The following ASTN2 variants were observed in gnomAD, a reference collection of about 807,000 sequenced individuals.
ASTN2 encodes astrotactin-2.
Under a neutral mutation model 139.8 loss-of-function variants are expected in ASTN2, and 54 were observed. That is an observed-to-expected ratio of 0.39 (90% CI 0.31 to 0.48). The LOEUF is 0.48. Among genes scored for constraint, ASTN2 ranks in the 20% least tolerant of loss-of-function variants. The probability of loss-of-function intolerance (pLI) is 0.95; values close to 1 mark genes in which losing one functional copy is unlikely to be tolerated. For synonymous variants in ASTN2, 756 were observed against 719.5 expected, an observed-to-expected ratio of 1.05 and a Z score of -0.81; for missense variants, 1,565 against 1,725.1, an observed-to-expected ratio of 0.91 and a Z score of 1.64.
At chr9:116,582,886 G>A (rs1042801511) in intron 19 of ASTN2, 1 of 152,208 alleles carries the variant, frequency 6.6e-6, no homozygotes, top group African/African-American at 2.4e-5. Context: ...ATCCCTCTGA[G>A]ATCTGGTCCC....
chr9:116,537,195 T>C (rs1587961113), intron 19 of ASTN2, among the ~76,000 whole-genome samples: 1 of 152,116 alleles, frequency 6.6e-6, no homozygotes, highest in Admixed American at 6.6e-5. Flanking sequence ...GTTTGCTCAG[T>C]TGGAAATGCA....
intron 19 of ASTN2, among the ~76,000 whole-genome samples, chr9:116,518,808 A>T (rs888200791): frequency 1.3e-5 from 2 of 152,088 alleles, no homozygotes; most frequent in Non-Finnish European, 2.9e-5. Flanking sequence ...AAAGGGGTGG[A>T]AAAAGATATT....
rs139956587 is a variant in ASTN2, at chr9:116,704,501, G to A, written c.2806+21270C>T. Among the ~76,000 whole-genome samples the A allele has an allele frequency of 3.3e-5, 5 of 152,296 alleles. No individual in the cohort carries two copies. The East Asian group carries it at 9.6e-4, about 29-fold the overall frequency. On this transcript the variant is annotated intron_variant, in intron 16 of 22. Coordinates refer to ENST00000313400, the MANE Select transcript of ASTN2 (RefSeq NM_001365068.1). ...TTTATGTTTTAAAGGGCTGTTGTGAGAATTAAAATATATAAATGGGATAGT... is the reference window on the plus strand; with the variant it reads ...TTTATGTTTTAAAGGGCTGTTGTGAAAATTAAAATATATAAATGGGATAGT...
chr9:117,356,684 G>C (rs1020261128), intron 1 of ASTN2, among the ~76,000 whole-genome samples: 1 of 152,130 alleles, frequency 6.6e-6, no homozygotes, highest in Non-Finnish European at 1.5e-5. Flanking sequence ...AAATGGTTAG[G>C]AAAGGGGAAT....
At chr9:116,895,703 T>C (rs900193044) in intron 10 of ASTN2, among the ~76,000 whole-genome samples, 3 of 152,170 alleles carry the variant, frequency 2.0e-5, no homozygotes, top group African/African-American at 7.2e-5. Context: ...TAAGATAAAT[T>C]GACCAGAAGG....
chr9:116,996,769 C>CT (rs1266882506), intron 7 of ASTN2, among the ~76,000 whole-genome samples: 4 of 151,980 alleles, frequency 2.6e-5, no homozygotes, highest in African/African-American at 9.7e-5. Context: ...TCATTATTAT[C>CT]TTTTTTTCCA....
At chr9:116,436,823 T>C (rs1847665144) in intron 22 of ASTN2, among the ~76,000 whole-genome samples, 1 of 151,784 alleles carries the variant, frequency 6.6e-6, no homozygotes, top group Non-Finnish European at 1.5e-5. Context: ...TGTCCAACAA[T>C]GATAGACTGG....
intron 3 of ASTN2, among the ~76,000 whole-genome samples, chr9:117,147,158 G>A (rs1830216601): frequency 6.6e-6 from 1 of 152,020 alleles, no homozygotes; most frequent in Admixed American, 6.5e-5. Flanking sequence ...TTCTACCCTG[G>A]AGAAGAGGCA....
chr9:117,072,231 T>G (rs191261162), intron 5 of ASTN2, among the ~76,000 whole-genome samples: 179 of 152,014 alleles, frequency 1.2e-3, no homozygotes, highest in African/African-American at 4.1e-3. Context: ...GAATGAAGCC[T>G]CTTTGGAATA....
At chr9:116,782,041 C>T (rs983594305) in intron 13 of ASTN2, among the ~76,000 whole-genome samples, 2 of 152,102 alleles carry the variant, frequency 1.3e-5, no homozygotes, top group African/African-American at 4.8e-5. Flanking sequence ...ATGCTGCCTC[C>T]GACAGTGAGA....
rs112226652 is a variant in ASTN2 at position 116,771,272 on chromosome 9, C to T, written c.2396+34360G>A. The stretch of plus-strand genomic sequence containing the variant: ...ACTCACCAGTCAGACTAGACAAGAC[C>T]TGCTACAGGGCACTTAATGATTGTG... On this transcript the variant is annotated intron_variant, in intron 13 of 22. Coordinates refer to ENST00000313400, the MANE Select transcript of ASTN2 (RefSeq NM_001365068.1). Among the ~76,000 whole-genome samples, 1,384 of 151,698 alleles carry T rather than the reference C, an allele frequency of 9.1e-3. 16 individuals are homozygous for T. The highest frequency in any genetic ancestry group is 0.017 in the South Asian group (82 of 4,782).
intron 2 of ASTN2, among the ~76,000 whole-genome samples, chr9:117,225,969 T>C (rs774826676): frequency 6.6e-6 from 1 of 152,124 alleles, no homozygotes; most frequent in African/African-American, 2.4e-5. Context: ...GAACTCACAG[T>C]TGGTTTGTGG....
At chr9:116,498,519 GC>G (rs992473149) in intron 19 of ASTN2, among the ~76,000 whole-genome samples, 10 of 152,008 alleles carry the variant, frequency 6.6e-5, no homozygotes, top group African/African-American at 2.2e-4. Context: ...GATCACTTAA[GC>G]CCAGGAGATC....
At chr9:116,631,360 A>G (rs1856736691) in intron 17 of ASTN2, among the ~76,000 whole-genome samples, 1 of 152,238 alleles carries the variant, frequency 6.6e-6, no homozygotes, top group South Asian at 2.1e-4. Flanking sequence ...TGTGATGTAT[A>G]TATACAATGG....
chr9:116,696,005 G>T (rs1005706360), intron 16 of ASTN2, among the ~76,000 whole-genome samples: 2 of 152,058 alleles, frequency 1.3e-5, no homozygotes, highest in African/African-American at 4.8e-5. Context: ...TCTGGATATT[G>T]CTCAAATGAA....
At position 117,041,800 on chromosome 9, in the gene ASTN2, G is replaced by A. The variant is rs1838580345; in HGVS notation, c.1277-1835C>T. Among the ~76,000 whole-genome samples, 12 of 152,274 alleles carry A rather than the reference G, an allele frequency of 7.9e-5. No individual in the cohort carries two copies. The South Asian group carries it at 2.5e-3, about 32-fold the overall frequency. On this transcript the variant is annotated intron_variant, in intron 5 of 22. Transcript: ENST00000313400. ...TCCTACCATTAACACTCTTCATCAT[G>A]TTAACATTAGTGCAGGTGTTTTTCC...
intron 1 of ASTN2, among the ~76,000 whole-genome samples, chr9:117,408,367 AG>A (rs959687164): frequency 6.6e-6 from 1 of 152,076 alleles, no homozygotes; most frequent in Non-Finnish European, 1.5e-5. Context: ...TATAAAATAG[AG>A]GGGTTGAATT....
intron 1 of ASTN2, among the ~76,000 whole-genome samples, chr9:117,336,626 C>CA (rs1828892195): frequency 6.6e-6 from 1 of 152,162 alleles, no homozygotes; most frequent in Non-Finnish European, 1.5e-5. Context: ...TAAATTTCAC[C>CA]AACTCACTGC....
At chr9:117,117,742 C>G (rs956152469) in intron 4 of ASTN2, among the ~76,000 whole-genome samples, 2 of 152,178 alleles carry the variant, frequency 1.3e-5, no homozygotes, top group Non-Finnish European at 2.9e-5. Flanking sequence ...TGCTGAGAGT[C>G]TGACTTTTTC....
Sources: allele counts gnomAD v4.1 joint callset (sites outside exome capture counted in the v4.1 genomes callset), GRCh38; gene constraint gnomAD v4.1.1; transcripts MANE v1.5; gene names NCBI Gene and HGNC (gene_info 2026-07-23, HGNC 2026-07-21).